UBE2H: variants seen among roughly 807,000 people sequenced by gnomAD.
UBE2H encodes the protein ubiquitin conjugating enzyme E2 H.
UBE2H carries 3 observed loss-of-function variants against 29.0 expected under a neutral mutation model. The ratio of observed to expected loss-of-function variants is 0.10; its 90% CI spans 0.05 to 0.27. UBE2H has a LOEUF of 0.27. Ranked by LOEUF, UBE2H falls within the 10% of genes least tolerant of loss-of-function variation. The pLI, the probability that UBE2H is intolerant of heterozygous loss-of-function variation, is 1.00. For synonymous variants in UBE2H, 69 were observed against 82.9 expected (o/e 0.83, Z 0.91); for missense variants, 68 against 228.2 (o/e 0.30, Z 4.52).
At chr7:129,890,125 C>A (rs116920985) in intron 1 of UBE2H, among the ~76,000 whole-genome samples, 6 of 151,692 alleles carry the variant, frequency 4.0e-5, no homozygotes, top group Admixed American at 3.9e-4. Flanking sequence ...AAACATAGAC[C>A]CTGTAGCTTA....
intron 5 of UBE2H, among the ~76,000 whole-genome samples, chr7:129,854,942 C>A (rs2727462): frequency 1.3e-5 from 2 of 151,710 alleles, no homozygotes; most frequent in Non-Finnish European, 1.5e-5. Context: ...TCACAAAAGA[C>A]CACATATTAT....
chr7:129,881,977 A>T (rs1342851331), intron 1 of UBE2H, among the ~76,000 whole-genome samples: 2 of 152,162 alleles, frequency 1.3e-5, no homozygotes, highest in Non-Finnish European at 2.9e-5. Context: ...TTCAGATCTT[A>T]TCCATAGCAT....
intron 1 of UBE2H, among the ~76,000 whole-genome samples, chr7:129,939,285 T>C (rs1807594703): frequency 6.6e-6 from 1 of 152,200 alleles, no homozygotes; most frequent in Admixed American, 6.6e-5. Context: ...GCAATCCTCC[T>C]GCTTCAGCCT....
intron 1 of UBE2H, among the ~76,000 whole-genome samples, chr7:129,938,227 A>G (rs1807568643): frequency 6.6e-6 from 1 of 151,954 alleles, no homozygotes; most frequent in Non-Finnish European, 1.5e-5. Flanking sequence ...CCTGGGCAAC[A>G]TGGCAAAACC....
At chr7:129,894,764 C>T (rs575254528) in intron 1 of UBE2H, among the ~76,000 whole-genome samples, 2 of 152,122 alleles carry the variant, frequency 1.3e-5, no homozygotes, top group East Asian at 3.9e-4. Context: ...GCTGGCATTA[C>T]AGGCCTGAGC....
At chr7:129,913,864 A>G (rs535987349) in intron 1 of UBE2H, among the ~76,000 whole-genome samples, 10 of 152,292 alleles carry the variant, frequency 6.6e-5, no homozygotes, top group Middle Eastern at 3.4e-3. Context: ...GGGTGACAGA[A>G]CCAAGTCTGA....
At chr7:129,846,383 A>AATAATAATAATAATT (rs1554430021) in intron 5 of UBE2H, among the ~76,000 whole-genome samples, 4 of 105,088 alleles carry the variant, frequency 3.8e-5, no homozygotes, top group African/African-American at 1.4e-4. Context: ...TAATAATAAT[A>AATAATAATAATAATT]ATAATTGGGC....
chr7:129,867,699 T>TAAAAAAAAAAAAAAAAAGAAAAAAAAA (rs1805933823), intron 3 of UBE2H, among the ~76,000 whole-genome samples: 2 of 29,646 alleles, frequency 6.7e-5, no homozygotes, highest in African/African-American at 2.9e-4. Flanking sequence ...TAGAGTATAA[T>TAAAAAAAAAAAAAAAAAGAAAAAAAAA]AAAAAAAAAA....
intron 5 of UBE2H, among the ~76,000 whole-genome samples, chr7:129,846,937 A>C (rs1467597184): frequency 6.6e-6 from 1 of 152,218 alleles, no homozygotes; most frequent in Non-Finnish European, 1.5e-5. Flanking sequence ...ACAGCGGCTC[A>C]AATTCTGTGG....
chr7:129,952,600 GGCCCGGGGCCCCGGCTCTGAGGA>G lies in UBE2H; in HGVS notation c.-68_-46del, dbSNP rs753843333. 1.1e-5 allele frequency: 18 copies of G among 1,603,040 alleles called. No individual in the cohort carries two copies. Among genetic ancestry groups the G allele is most frequent in the East Asian group, 9.0e-5 (4 of 44,484 alleles). On this transcript the variant is annotated 5_prime_UTR_variant, in exon 1 of 7. Coordinates refer to ENST00000355621, the MANE Select transcript of UBE2H (RefSeq NM_003344.4). Reference sequence around the variant, plus strand: ...TCCCTTCCTCGGCCCGTCTGTCACGGGCCCGGGGCCCCGGCTCTGAGGAGCCCGCGGCCGCGCCGGCTCCTCGG... The same window carrying G: ...TCCCTTCCTCGGCCCGTCTGTCACGGGCCCGCGGCCGCGCCGGCTCCTCGG...
chr7:129,882,787 A>C (rs1806280553), intron 1 of UBE2H, among the ~76,000 whole-genome samples: 1 of 152,260 alleles, frequency 6.6e-6, no homozygotes, highest in Admixed American at 6.5e-5. Flanking sequence ...TAACATGCTT[A>C]AAATGTTTTA....
At chr7:129,908,683 C>CAT (rs1258362722) in intron 1 of UBE2H, among the ~76,000 whole-genome samples, 2 of 152,208 alleles carry the variant, frequency 1.3e-5, no homozygotes, top group African/African-American at 4.8e-5. Context: ...ACCAGCAAAG[C>CAT]ATACTGCTAA....
intron 1 of UBE2H, among the ~76,000 whole-genome samples, chr7:129,894,815 T>C (rs1028491734): frequency 6.6e-6 from 1 of 152,028 alleles, no homozygotes; most frequent in Non-Finnish European, 1.5e-5. Flanking sequence ...TTTTTTTAAC[T>C]TCTTTTCTCA....
At chr7:129,931,280 G>T (rs528615803) in intron 1 of UBE2H, among the ~76,000 whole-genome samples, 1 of 150,498 alleles carries the variant, frequency 6.6e-6, no homozygotes, top group Non-Finnish European at 1.5e-5. Flanking sequence ...CCCAGCTACT[G>T]GAGAGGCTGA....
intron 1 of UBE2H, among the ~76,000 whole-genome samples, chr7:129,894,105 A>C (rs547386235): frequency 2.6e-5 from 4 of 152,334 alleles, no homozygotes; most frequent in Admixed American, 2.0e-4. Context: ...TGGTGAGCTG[A>C]GATCGTGCCA....
At position 129,938,667 on chromosome 7, in the gene UBE2H, T is replaced by C. The variant is rs189806763; in HGVS notation, c.53+13836A>G. Among the ~76,000 whole-genome samples, 233 of 150,932 alleles carry C rather than the reference T, an allele frequency of 1.5e-3. 1 individual carries two copies. In the East Asian group the frequency reaches 0.026, roughly 17 times the overall value. On this transcript the variant is annotated intron_variant, in intron 1 of 6. Transcript: ENST00000355621. ...GTTGTGGTGAGTCGAGATTACGCCA[T>C]TGCACTCCAGCCTGGGCGCCAAGAG...
intron 5 of UBE2H, among the ~76,000 whole-genome samples, chr7:129,854,311 A>ATTTT (rs1446626784): frequency 4.6e-5 from 7 of 152,144 alleles, no homozygotes; most frequent in Admixed American, 6.5e-5. Flanking sequence ...ATATAATTGT[A>ATTTT]TTTACCTGTT....
At chr7:129,881,886 T>A (rs1463857927) in intron 1 of UBE2H, among the ~76,000 whole-genome samples, 1 of 152,144 alleles carries the variant, frequency 6.6e-6, no homozygotes, top group East Asian at 1.9e-4. Context: ...GCTTATGGAA[T>A]AATCAACACA....
chr7:129,882,996 T>G (rs1442310396), intron 1 of UBE2H, among the ~76,000 whole-genome samples: 1 of 151,598 alleles, frequency 6.6e-6, no homozygotes, highest in African/African-American at 2.4e-5. Flanking sequence ...AAGAAAAAAA[T>G]ACAAATACCC....
Sources: allele counts gnomAD v4.1 joint callset (sites outside exome capture counted in the v4.1 genomes callset), GRCh38; gene constraint gnomAD v4.1.1; transcripts MANE v1.5; gene names NCBI Gene and HGNC (gene_info 2026-07-23, HGNC 2026-07-21).